The following PARD3 variants were observed in gnomAD, a reference collection of about 807,000 sequenced individuals.
PARD3 encodes the protein partitioning defective 3 homolog.
PARD3 carries 75 observed loss-of-function variants against 155.4 expected under a neutral mutation model. The ratio of observed to expected loss-of-function variants is 0.48; its 90% confidence interval spans 0.40 to 0.58. The LOEUF (loss-of-function observed/expected upper bound fraction) is 0.58, where lower values mean the gene tolerates loss of function less well. Among genes scored for constraint, PARD3 ranks in the 20% least tolerant of loss-of-function variants. PARD3 has a pLI of 0.00. For missense variants in PARD3, 1,642 were observed against 1,721.7 expected (o/e 0.95, Z 0.82); for synonymous variants, 576 against 610.5 (o/e 0.94, Z 0.83).
At chr10:34,341,206 T>TA (rs1353585851) in intron 16 of PARD3, among the ~76,000 whole-genome samples, 8 of 148,448 alleles carry the variant, frequency 5.4e-5, no homozygotes, top group African/African-American at 1.7e-4. Flanking sequence ...AAAAACACTT[T>TA]AAAAAAAGCC....
At chr10:34,765,483 C>T (rs1273106006) in intron 1 of PARD3, among the ~76,000 whole-genome samples, 1 of 151,810 alleles carries the variant, frequency 6.6e-6, no homozygotes, top group Admixed American at 6.6e-5. Flanking sequence ...TTTGAGACCA[C>T]CCTGGCCCAC....
intron 5 of PARD3, among the ~76,000 whole-genome samples, chr10:34,436,428 C>T (rs928694745): frequency 7.9e-5 from 12 of 152,192 alleles, no homozygotes; most frequent in Non-Finnish European, 1.3e-4. Flanking sequence ...GTTTAATAGA[C>T]TGCATACAAC....
At chr10:34,752,729 A>G (rs77835792) in intron 1 of PARD3, among the ~76,000 whole-genome samples, 5,304 of 152,318 alleles carry the variant, frequency 0.035, 288 homozygotes, top group African/African-American at 0.12. Context: ...GCTATGACTT[A>G]TATCAGAAGG....
chr10:34,485,846 C>T (rs2079417197), intron 3 of PARD3, among the ~76,000 whole-genome samples: 1 of 151,566 alleles, frequency 6.6e-6, no homozygotes, highest in Admixed American at 6.6e-5. Flanking sequence ...CTTTAAGGTC[C>T]AGCTACCTGT....
intron 2 of PARD3, among the ~76,000 whole-genome samples, chr10:34,584,611 G>A (rs1344583135): frequency 2.0e-5 from 3 of 152,042 alleles, no homozygotes; most frequent in Non-Finnish European, 2.9e-5. Context: ...GAAAACAAAC[G>A]TTACCTGACT....
chr10:34,735,003 AC>A lies in PARD3; in HGVS notation c.121-38585del, dbSNP rs201470031. 8.8e-3 allele frequency among the ~76,000 whole-genome samples: 1,294 copies of A among 147,020 alleles called. 16 individuals are homozygous for A. The highest frequency in any genetic ancestry group is 0.029 in the African/African-American group (1,157 of 40,220). ...GGCTTATGGGAAAAAAAAAAAAAAA[AC>A]CCCAAGAGCAAAATGGATAAATTAA... On this transcript the variant is annotated intron_variant, in intron 1 of 24. Coordinates refer to ENST00000374788, the MANE Select transcript of PARD3 (RefSeq NM_001184785.2).
chr10:34,785,761 G>A (rs575597789), intron 1 of PARD3, among the ~76,000 whole-genome samples: 6 of 152,188 alleles, frequency 3.9e-5, no homozygotes, highest in South Asian at 2.1e-4. Flanking sequence ...AGACATGGGC[G>A]GACCGTGTGG....
chr10:34,672,892 G>A (rs1028868996), intron 2 of PARD3, among the ~76,000 whole-genome samples: 21 of 152,166 alleles, frequency 1.4e-4, no homozygotes, highest in South Asian at 2.1e-4. Context: ...TGTGGAATAC[G>A]GGTAAAACTT....
intron 1 of PARD3, among the ~76,000 whole-genome samples, chr10:34,731,397 T>A (rs2094814421): frequency 6.6e-6 from 1 of 152,192 alleles, no homozygotes; most frequent in Admixed American, 6.5e-5. Context: ...TGGACAGCTA[T>A]AAAAGTTACA....
At chr10:34,278,294 C>T (rs1169087499) in intron 21 of PARD3, among the ~76,000 whole-genome samples, 1 of 152,130 alleles carries the variant, frequency 6.6e-6, no homozygotes, top group Non-Finnish European at 1.5e-5. Context: ...GTGATCCTAC[C>T]ACCTCAGCCT....
In PARD3 at chr10:34,382,814, G is replaced by C; in HGVS notation, c.1125C>G (p.Asn375Lys). Reference sequence around the variant, plus strand: ...GGCTAAAACGGCTTGAATAGTAATTGTTCTTCTCACTTTGGGATAGTTGTT... The same window carrying C: ...GGCTAAAACGGCTTGAATAGTAATTCTTCTTCTCACTTTGGGATAGTTGTT... ...QYEQLSQSEK[N>K]NYYSSRFSPD... Residue 375 changes from asparagine (N) to lysine (K), a missense_variant, in exon 9 of 25, where the codon AAC becomes AAG. Around this residue, in one of 3 missense-constraint regions of PARD3, gnomAD observed 1,529 missense variants for 1,587.3 expected, o/e 0.96. Transcript: ENST00000374788. 3 of 1,614,116 alleles carry C rather than the reference G, an allele frequency of 1.9e-6. No individual in the cohort carries two copies. The highest frequency in any genetic ancestry group is 2.5e-6 in the Non-Finnish European group (3 of 1,180,026).
intron 5 of PARD3, among the ~76,000 whole-genome samples, chr10:34,444,749 G>A (rs1022740531): frequency 1.3e-5 from 2 of 152,108 alleles, no homozygotes; most frequent in Admixed American, 6.6e-5. Flanking sequence ...CACTATCCCC[G>A]TAAGTAGGAC....
chr10:34,515,809 T>C (rs2081698433), intron 3 of PARD3, among the ~76,000 whole-genome samples: 1 of 151,984 alleles, frequency 6.6e-6, no homozygotes, highest in Non-Finnish European at 1.5e-5. Context: ...ACCTATATTC[T>C]GTATCTTAAT....
At chr10:34,417,206 T>C (rs891351204) in intron 5 of PARD3, among the ~76,000 whole-genome samples, 1 of 152,154 alleles carries the variant, frequency 6.6e-6, no homozygotes, top group African/African-American at 2.4e-5. Context: ...TGAACCAGCA[T>C]TGTGTCAATT....
chr10:34,708,254 C>A (rs1774905070), intron 1 of PARD3, among the ~76,000 whole-genome samples: 1 of 142,628 alleles, frequency 7.0e-6, no homozygotes. Context: ...CGCAATTGCA[C>A]TGATCTTTAA....
Position 34,445,652 on chromosome 10 carries a change from A to G in PARD3, c.714+4665T>C, listed in dbSNP as rs183637339. Among the ~76,000 whole-genome samples, 64 of 152,288 alleles carry G rather than the reference A, an allele frequency of 4.2e-4. 1 individual carries two copies. The highest frequency in any genetic ancestry group is 1.5e-3 in the African/African-American group (63 of 41,570). On this transcript the variant is annotated intron_variant, in intron 5 of 24. Coordinates refer to ENST00000374788, the MANE Select transcript of PARD3 (RefSeq NM_001184785.2). ...ACTATTTTATAACAAAATTACAAAGAATATACTACTTCCTTAAAAACAGGT... is the reference window on the plus strand; with the variant it reads ...ACTATTTTATAACAAAATTACAAAGGATATACTACTTCCTTAAAAACAGGT...
At chr10:34,581,751 A>C (rs1336701145) in intron 2 of PARD3, among the ~76,000 whole-genome samples, 1 of 152,178 alleles carries the variant, frequency 6.6e-6, no homozygotes, top group Non-Finnish European at 1.5e-5. Flanking sequence ...CTCTTGGTGT[A>C]GAGTTGAACC....
chr10:34,304,363 G>A (rs1262020299), intron 20 of PARD3, among the ~76,000 whole-genome samples: 2 of 151,772 alleles, frequency 1.3e-5, no homozygotes, highest in Admixed American at 6.6e-5. Flanking sequence ...GAATTATTTT[G>A]GGAAGAGAAG....
At chr10:34,741,438 G>A (rs1005271453) in intron 1 of PARD3, among the ~76,000 whole-genome samples, 1 of 151,988 alleles carries the variant, frequency 6.6e-6, no homozygotes, top group East Asian at 1.9e-4. Context: ...TCCTGCCTCA[G>A]CCTCCAAAAG....
Sources: gnomAD v4.1 joint callset for allele counts (sites outside exome capture counted in the v4.1 genomes callset) on GRCh38, gnomAD v4.1.1 for gene constraint, gnomAD v4.1.1 regional missense constraint, MANE v1.5 for transcripts, NCBI Gene and HGNC (gene_info 2026-07-23, HGNC 2026-07-21) for gene names.